Variants in ADGRV1 observed in about 807,000 individuals in gnomAD.
The protein encoded by ADGRV1 is G-protein coupled receptor 98.
Under a neutral mutation model 596.2 loss-of-function variants are expected in ADGRV1, and 359 were observed. The ratio of observed to expected loss-of-function variants is 0.60; its 90% confidence interval spans 0.55 to 0.66. The LOEUF is 0.66. Ranked by LOEUF, ADGRV1 falls within the 30% of genes least tolerant of loss-of-function variation. ADGRV1 has a pLI of 0.00. For synonymous variants in ADGRV1, 2,681 were observed against 2,679.2 expected (o/e 1.00, Z -0.02); for missense variants, 7,274 against 7,575.6 (o/e 0.96, Z 1.48).
chr5:90,901,571 T>C (rs775160312), intron 83 of ADGRV1, among the ~76,000 whole-genome samples: 3 of 152,202 alleles, frequency 2.0e-5, no homozygotes, highest in Non-Finnish European at 4.4e-5. Flanking sequence ...TTCCTGTGCA[T>C]GTTAGCAATT....
At position 90,724,937 on chromosome 5, in the gene ADGRV1, G is replaced by GA. The variant is rs763639530; in HGVS notation, c.9858dup (p.Ser3287IlefsTer16). The GA allele has an allele frequency of 1.2e-6, 2 of 1,609,820 alleles. No homozygotes were observed. Among genetic ancestry groups the GA allele is most frequent in the African/African-American group, 2.7e-5 (2 of 74,750 alleles). Reference sequence around the variant, plus strand: ...AATTTAATATATGGTATAATGTTAAGAAAATCATCTGTTACTGTTTACCGA... The same window carrying GA: ...AATTTAATATATGGTATAATGTTAAGAAAAATCATCTGTTACTGTTTACCGA... On this transcript the variant is annotated frameshift_variant, in exon 46 of 90. Transcript: ENST00000405460. LOFTEE classifies it high-confidence loss of function.
chr5:90,808,394 C>T (rs1762108789), intron 73 of ADGRV1, among the ~76,000 whole-genome samples: 1 of 152,080 alleles, frequency 6.6e-6, no homozygotes, highest in South Asian at 2.1e-4. Context: ...CTTCAGTTTA[C>T]TTGTAAAATA....
intron 30 of ADGRV1, among the ~76,000 whole-genome samples, chr5:90,690,581 C>A (rs1746338562): frequency 6.6e-6 from 1 of 152,104 alleles, no homozygotes; most frequent in Admixed American, 6.5e-5. Context: ...GCCCTATGGG[C>A]TTTGTGGTTT....
At chr5:90,658,336 T>G in intron 21 of ADGRV1, 58 bp downstream of exon 21, 1 of 1,441,836 alleles carries the variant, frequency 6.9e-7, no homozygotes, top group Non-Finnish European at 9.2e-7. Context: ...TGGATTTGTT[T>G]GGGACTCGGC....
In ADGRV1 at chr5:90,783,870, C is replaced by A; in HGVS notation, c.13466C>A (p.Thr4489Asn). The part of the protein sequence containing the change: ...EFEEPIEILL[T>N]GATGGAVLGR... Reference sequence around the variant, plus strand: ...GAGGAGCCCATTGAAATTCTACTCACTGGAGCTACTGGAGGAGCGGTCCTT... The same window carrying A: ...GAGGAGCCCATTGAAATTCTACTCAATGGAGCTACTGGAGGAGCGGTCCTT... The change falls in exon 67 of 90, where the codon ACT (threonine) becomes AAT (asparagine). Residue 4489 changes from threonine to asparagine, a missense_variant. By Grantham distance (65) the Thr-to-Asn change is moderately conservative. Transcript: ENST00000405460. 1.2e-6 allele frequency: 2 copies of A among 1,610,162 alleles called. No individual in the cohort carries two copies. The highest frequency in any genetic ancestry group is 1.7e-6 in the Non-Finnish European group (2 of 1,178,350).
At chr5:90,664,454 CA>C (rs1770943425) in intron 21 of ADGRV1, among the ~76,000 whole-genome samples, 1 of 151,472 alleles carries the variant, frequency 6.6e-6, no homozygotes, top group African/African-American at 2.4e-5. Flanking sequence ...GATTTTTGTA[CA>C]TTGATTTTGT....
At chr5:90,728,626 A>T in intron 48 of ADGRV1, 43 bp from the exon 49 acceptor site, 1 of 1,542,960 alleles carries the variant, frequency 6.5e-7, no homozygotes, top group Non-Finnish European at 8.8e-7. Flanking sequence ...CAAGTGCTAA[A>T]TTCCTAGTCA....
intron 17 of ADGRV1, 134 bp from the exon 18 acceptor site, chr5:90,651,470 A>C: frequency 1.5e-6 from 1 of 675,338 alleles, no homozygotes; most frequent in Non-Finnish European, 2.3e-6. Flanking sequence ...TTTTGCATTT[A>C]TTATATGACC....
chr5:91,010,068 G>T (rs1273135696), intron 85 of ADGRV1, among the ~76,000 whole-genome samples: 1 of 152,000 alleles, frequency 6.6e-6, no homozygotes, highest in Non-Finnish European at 1.5e-5. Flanking sequence ...TCATTCGTAA[G>T]AATTGGCCTA....
intron 34 of ADGRV1, among the ~76,000 whole-genome samples, chr5:90,702,388 ATG>A (rs1313028933): frequency 2.6e-5 from 4 of 151,952 alleles, no homozygotes; most frequent in African/African-American, 9.7e-5. Context: ...CACACTTAAA[ATG>A]TGTTTTAAGA....
intron 42 of ADGRV1, among the ~76,000 whole-genome samples, chr5:90,715,050 T>C (rs1749906266): frequency 6.6e-6 from 1 of 152,236 alleles, no homozygotes; most frequent in African/African-American, 2.4e-5. Context: ...ATCACTGTAA[T>C]ATTGAGTTTT....
chr5:91,077,833 T>C (rs778059134), intron 86 of ADGRV1, among the ~76,000 whole-genome samples: 10 of 152,344 alleles, frequency 6.6e-5, no homozygotes, highest in Admixed American at 3.3e-4. Flanking sequence ...TTTTGATCTC[T>C]GGCAACGATA....
chr5:90,746,000 G>C (rs1754585370), intron 52 of ADGRV1, among the ~76,000 whole-genome samples: 1 of 152,010 alleles, frequency 6.6e-6, no homozygotes, highest in Admixed American at 6.6e-5. Flanking sequence ...ACTGGACTCT[G>C]AGTCAACTTG....
intron 85 of ADGRV1, among the ~76,000 whole-genome samples, chr5:91,032,777 C>T (rs1278331090): frequency 6.6e-6 from 1 of 152,090 alleles, no homozygotes; most frequent in African/African-American, 2.4e-5. Context: ...CTCTTAGATG[C>T]ATATAGATCC....
chr5:90,944,227 G>T (rs1267583460), intron 83 of ADGRV1, among the ~76,000 whole-genome samples: 1 of 152,028 alleles, frequency 6.6e-6, no homozygotes, highest in African/African-American at 2.4e-5. Context: ...AAATAATGGG[G>T]TTGGAATTGC....
chr5:90,977,053 T>G (rs1047694848), intron 84 of ADGRV1, among the ~76,000 whole-genome samples: 42 of 152,180 alleles, frequency 2.8e-4, no homozygotes, highest in African/African-American at 9.7e-4. Flanking sequence ...GGCTACTTAG[T>G]GCCAGAGCAT....
Position 90,712,341 on chromosome 5 carries a change from G to A in ADGRV1, c.9097G>A (p.Asp3033Asn). The change falls in exon 42 of 90, where the codon GAT becomes AAT. Residue 3033 changes from aspartate (D) to asparagine (N), a missense_variant. This residue lies in a region of ADGRV1 where 3,643 missense variants were observed against 3,809.2 expected (regional missense o/e 0.96). Transcript: ENST00000405460. ...TAAAAATGTCAATATCATGATTCTTGATGATGACATTCCAGAAGGAGATGA... is the reference window on the plus strand; with the variant it reads ...TAAAAATGTCAATATCATGATTCTTAATGATGACATTCCAGAAGGAGATGA... ...RYKNVNIMILDDDIPEGDEKF... is the reference protein window; with the variant it reads ...RYKNVNIMILNDDIPEGDEKF... 6.4e-7 allele frequency: 1 copy of A among 1,563,770 alleles called. No homozygotes were observed. The highest frequency in any genetic ancestry group is 8.7e-7 in the Non-Finnish European group (1 of 1,149,198).
chr5:91,047,130 A>G (rs987534956), intron 85 of ADGRV1, among the ~76,000 whole-genome samples: 6 of 152,234 alleles, frequency 3.9e-5, no homozygotes, highest in African/African-American at 1.4e-4. Context: ...ATAAAATAGT[A>G]CTGATCTGGG....
intron 85 of ADGRV1, among the ~76,000 whole-genome samples, chr5:91,035,864 T>TATATATATATA (rs1784853585): frequency 7.3e-5 from 5 of 68,266 alleles, no homozygotes; most frequent in Admixed American, 1.3e-4. Context: ...ATATATATTA[T>TATATATATATA]ATATATATAT....
Sources: allele counts gnomAD v4.1 joint callset (sites outside exome capture counted in the v4.1 genomes callset), GRCh38; gene constraint gnomAD v4.1.1; regional missense constraint gnomAD v4.1.1; transcripts MANE v1.5; gene names NCBI Gene and HGNC (gene_info 2026-07-23, HGNC 2026-07-21).